LRRIQ3: variants seen among roughly 807,000 people sequenced by gnomAD.
LRRIQ3 encodes the protein leucine rich repeats and IQ motif containing 3.
In LRRIQ3, 75 loss-of-function variants were observed where a neutral mutation model predicts 59.3. The ratio of observed to expected loss-of-function variants is 1.26; its 90% CI spans 1.05 to 1.53. LRRIQ3 has a LOEUF of 1.53. Among genes scored for constraint, LRRIQ3 ranks in the 40% most tolerant of loss-of-function variants. The probability of loss-of-function intolerance (pLI) is 0.00; values close to 1 mark genes in which losing one functional copy is unlikely to be tolerated. For synonymous variants in LRRIQ3, 250 were observed against 231.3 expected (o/e 1.08, Z -0.73); for missense variants, 831 against 710.0 (o/e 1.17, Z -1.94).
chr1:74,102,129 T>C (rs1476577855), intron 5 of LRRIQ3, among the ~76,000 whole-genome samples: 10 of 150,782 alleles, frequency 6.6e-5, no homozygotes, highest in Admixed American at 6.6e-4. Flanking sequence ...ACAAAGTAGA[T>C]GAGAAAAAAC....
chr1:74,048,330 A>G (rs1268146230), intron 6 of LRRIQ3, among the ~76,000 whole-genome samples: 2 of 152,188 alleles, frequency 1.3e-5, no homozygotes, highest in African/African-American at 2.4e-5. Context: ...TAGCATGTCA[A>G]TAATTCTTCT....
At chr1:74,068,101 T>C (rs189668151) in intron 6 of LRRIQ3, among the ~76,000 whole-genome samples, 29 of 152,176 alleles carry the variant, frequency 1.9e-4, no homozygotes, top group East Asian at 1.9e-4. Flanking sequence ...CTAAATAACT[T>C]GGACTGCCAT....
chr1:74,117,312 C>T (rs1646790752), intron 4 of LRRIQ3, among the ~76,000 whole-genome samples: 1 of 151,956 alleles, frequency 6.6e-6, no homozygotes, highest in Non-Finnish European at 1.5e-5. Context: ...TGGCTCATTT[C>T]ATTAAATAAA....
intron 4 of LRRIQ3, among the ~76,000 whole-genome samples, chr1:74,129,589 G>T (rs776889787): frequency 6.6e-6 from 1 of 151,878 alleles, no homozygotes; most frequent in South Asian, 2.1e-4. Flanking sequence ...GGGCCAAGCT[G>T]GTACCTAATC....
chr1:74,177,988 T>C (rs1457009144), intron 3 of LRRIQ3, among the ~76,000 whole-genome samples: 5 of 151,964 alleles, frequency 3.3e-5, no homozygotes, highest in Admixed American at 6.6e-5. Flanking sequence ...TTGTGCACAT[T>C]AATGGTCAGA....
At position 74,123,086 on chromosome 1, in the gene LRRIQ3, C is replaced by T. The variant is rs188101131; in HGVS notation, c.708-13533G>A. Among the ~76,000 whole-genome samples, 3 of 152,202 alleles carry T rather than the reference C, an allele frequency of 2.0e-5. No homozygotes were observed. The East Asian group carries it at 5.8e-4, about 29-fold the overall frequency. On this transcript the variant is annotated intron_variant, in intron 4 of 7. Transcript: ENST00000354431. ...AGCTAAAAATTAAAAGCATTATTTC[C>T]TAACTCTAGTTTTTTTGTTCAACTT... is the stretch of plus-strand genomic sequence containing the variant.
At chr1:74,111,190 T>A (rs12131685) in intron 4 of LRRIQ3, among the ~76,000 whole-genome samples, 1 of 151,832 alleles carries the variant, frequency 6.6e-6, no homozygotes, top group Non-Finnish European at 1.5e-5. Flanking sequence ...ATGCTCAATA[T>A]GTGCCCTGTG....
intron 6 of LRRIQ3, among the ~76,000 whole-genome samples, chr1:74,065,260 G>A (rs567672355): frequency 2.0e-5 from 3 of 152,080 alleles, no homozygotes; most frequent in African/African-American, 7.2e-5. Context: ...TGAAGGAAGT[G>A]ACTAATTCTT....
intron 4 of LRRIQ3, among the ~76,000 whole-genome samples, chr1:74,133,369 C>T (rs1199624841): frequency 2.6e-5 from 4 of 152,022 alleles, no homozygotes; most frequent in Admixed American, 6.6e-5. Flanking sequence ...TGGGTATATA[C>T]CCAAAGGATT....
At chr1:74,125,993 T>G (rs1320452453) in intron 4 of LRRIQ3, among the ~76,000 whole-genome samples, 5 of 151,896 alleles carry the variant, frequency 3.3e-5, no homozygotes, top group Non-Finnish European at 7.4e-5. Flanking sequence ...GATGTTTTCT[T>G]TGCTAGGAGA....
intron 3 of LRRIQ3, among the ~76,000 whole-genome samples, chr1:74,161,072 C>G (rs953274487): frequency 6.6e-6 from 1 of 151,912 alleles, no homozygotes; most frequent in African/African-American, 2.4e-5. Context: ...CTGGGAAGTC[C>G]AAGATAAAGC....
intron 6 of LRRIQ3, among the ~76,000 whole-genome samples, chr1:74,063,063 G>GCAAAACAAAA (rs141608137): frequency 4.0e-5 from 6 of 149,746 alleles, no homozygotes; most frequent in Admixed American, 2.7e-4. Context: ...CACTACCAAA[G>GCAAAACAAAA]CAAAACAAAA....
chr1:74,106,545 C>G (rs1646615942), intron 5 of LRRIQ3, among the ~76,000 whole-genome samples: 2 of 151,898 alleles, frequency 1.3e-5, no homozygotes, highest in South Asian at 4.1e-4. Context: ...TTTATGCCAA[C>G]AAAGTATAGG....
At chr1:74,185,558 ATG>A (rs1305222626) in intron 1 of LRRIQ3, among the ~76,000 whole-genome samples, 1 of 152,082 alleles carries the variant, frequency 6.6e-6, no homozygotes, top group Non-Finnish European at 1.5e-5. Flanking sequence ...TTTGTCAGAT[ATG>A]TGTTTTCCAA....
intron 4 of LRRIQ3, among the ~76,000 whole-genome samples, chr1:74,139,521 G>A (rs778285076): frequency 4.6e-5 from 7 of 151,642 alleles, no homozygotes; most frequent in Non-Finnish European, 8.8e-5. Flanking sequence ...TTTTATTCCA[G>A]GCACTTATGA....
At chr1:74,160,568 T>C (rs908457524) in intron 3 of LRRIQ3, among the ~76,000 whole-genome samples, 3 of 152,094 alleles carry the variant, frequency 2.0e-5, no homozygotes, top group Non-Finnish European at 2.9e-5. Context: ...TTCCATCCTA[T>C]TTATAAATAT....
intron 4 of LRRIQ3, among the ~76,000 whole-genome samples, chr1:74,113,744 A>G (rs1021289465): frequency 6.6e-6 from 1 of 152,008 alleles, no homozygotes; most frequent in Non-Finnish European, 1.5e-5. Context: ...AGCTAAAATA[A>G]TTTACTTCTA....
chr1:74,129,316 C>T (rs1212038681), intron 4 of LRRIQ3, among the ~76,000 whole-genome samples: 1 of 152,060 alleles, frequency 6.6e-6, no homozygotes, highest in Non-Finnish European at 1.5e-5. Flanking sequence ...TTCCCTACTT[C>T]CCTCCTCTAC....
rs563000009 is a variant in LRRIQ3 at position 74,103,023 on chromosome 1, A to C, written c.867+6371T>G. Among the ~76,000 whole-genome samples, 8 of 152,048 alleles carry C rather than the reference A, an allele frequency of 5.3e-5. No homozygotes were observed. The South Asian group carries it at 1.2e-3, about 24-fold the overall frequency. On this transcript the variant is annotated intron_variant, in intron 5 of 7. Coordinates refer to ENST00000354431, the MANE Select transcript of LRRIQ3 (RefSeq NM_001105659.2). ...ATTATCTTTAGCCTCTGGTAGCTCT[A>C]GTATCTTCTCTATAGATTCTTCTGA...
Sources: allele counts gnomAD v4.1 joint callset (sites outside exome capture counted in the v4.1 genomes callset), GRCh38; gene constraint gnomAD v4.1.1; transcripts MANE v1.5; gene names NCBI Gene and HGNC (gene_info 2026-07-23, HGNC 2026-07-21).